ATP8A1: variants seen among roughly 807,000 people sequenced by gnomAD.
The protein encoded by ATP8A1 is phospholipid-transporting ATPase IA.
Under a neutral mutation model 177.7 loss-of-function variants are expected in ATP8A1, and 90 were observed. That is an observed-to-expected ratio of 0.51 (90% confidence interval 0.43 to 0.60). ATP8A1 has a LOEUF of 0.60. ATP8A1 is among the 20% of genes least tolerant of loss of function. The pLI, the probability that ATP8A1 is intolerant of heterozygous loss-of-function variation, is 0.00. For missense variants in ATP8A1, 1,072 were observed against 1,392.8 expected (o/e 0.77, Z 3.67); for synonymous variants, 493 against 485.9 (o/e 1.01, Z -0.19).
chr4:42,585,844 A>G (rs1733562459), intron 9 of ATP8A1, among the ~76,000 whole-genome samples: 1 of 152,106 alleles, frequency 6.6e-6, no homozygotes, highest in Non-Finnish European at 1.5e-5. Context: ...AAGAGATGAG[A>G]TGACTATAAT....
intron 33 of ATP8A1, among the ~76,000 whole-genome samples, chr4:42,440,918 C>T (rs200097813): frequency 2.3e-4 from 1 of 4,282 alleles, no homozygotes; most frequent in East Asian, 0.1. Flanking sequence ...CACTTACGTA[C>T]ATAATTAATT....
chr4:42,622,935 G>T (rs1373646313), intron 4 of ATP8A1, among the ~76,000 whole-genome samples: 1 of 151,234 alleles, frequency 6.6e-6, no homozygotes, highest in Non-Finnish European at 1.5e-5. Context: ...CTTGAACCTG[G>T]GAGGTGGAGG....
chr4:42,607,218 C>A (rs569261314), intron 5 of ATP8A1, among the ~76,000 whole-genome samples: 1 of 152,244 alleles, frequency 6.6e-6, no homozygotes, highest in Non-Finnish European at 1.5e-5. Context: ...TCTTGAAATA[C>A]AAAACCAGAA....
At chr4:42,609,835 A>T (rs961896592) in intron 5 of ATP8A1, among the ~76,000 whole-genome samples, 4 of 152,122 alleles carry the variant, frequency 2.6e-5, no homozygotes, top group African/African-American at 9.7e-5. Flanking sequence ...CACAAGTGGA[A>T]GCCTATCCAT....
intron 29 of ATP8A1, among the ~76,000 whole-genome samples, chr4:42,452,476 C>A (rs1718032933): frequency 1.3e-5 from 2 of 152,092 alleles, no homozygotes; most frequent in Non-Finnish European, 2.9e-5. Flanking sequence ...CTTTCCAATG[C>A]TAAAGATGTA....
Position 42,626,754 on chromosome 4 carries a change from C to T in ATP8A1, c.164+241G>A, listed in dbSNP as rs184539041. On this transcript the variant is annotated intron_variant, in intron 2 of 36. Transcript: ENST00000381668. ...TTACACATAAGCAGCTTTCATTATTCAATATCTATGCAGCATCGGCAGAGG... is the reference window on the plus strand; with the variant it reads ...TTACACATAAGCAGCTTTCATTATTTAATATCTATGCAGCATCGGCAGAGG... 334 of 514,846 alleles carry T rather than the reference C, an allele frequency of 6.5e-4. 3 individuals are homozygous for T. In the Admixed American group the frequency reaches 0.01, roughly 16 times the overall value. 31.9% of individuals were successfully genotyped at this position (514,846 alleles called of 1,614,324 possible).
At chr4:42,449,563 A>G (rs1186342035) in intron 30 of ATP8A1, among the ~76,000 whole-genome samples, 1 of 152,246 alleles carries the variant, frequency 6.6e-6, no homozygotes, top group Non-Finnish European at 1.5e-5. Context: ...TTCAGAAATC[A>G]AAAAACAAAA....
chr4:42,581,291 G>A (rs1239028197), intron 10 of ATP8A1, among the ~76,000 whole-genome samples: 4 of 151,988 alleles, frequency 2.6e-5, no homozygotes, highest in African/African-American at 7.3e-5. Context: ...CCACTACCAC[G>A]CCCGGCTAAT....
chr4:42,651,794 G>A (rs180749806), intron 1 of ATP8A1, among the ~76,000 whole-genome samples: 1 of 152,324 alleles, frequency 6.6e-6, no homozygotes, highest in East Asian at 1.9e-4. Context: ...AAAGGCACAA[G>A]GAGCCAACAT....
intron 23 of ATP8A1, among the ~76,000 whole-genome samples, chr4:42,504,570 A>G (rs1724179938): frequency 6.6e-6 from 1 of 152,268 alleles, no homozygotes; most frequent in Non-Finnish European, 1.5e-5. Context: ...AAACACATCA[A>G]GAAGCCAACC....
At chr4:42,471,055 T>A (rs1330802402) in intron 25 of ATP8A1, among the ~76,000 whole-genome samples, 2 of 151,964 alleles carry the variant, frequency 1.3e-5, no homozygotes, top group Non-Finnish European at 2.9e-5. Context: ...TGAGAAAAAA[T>A]TAAGATACAG....
In ATP8A1 at chr4:42,443,680, G is replaced by C. The variant is rs1716886533; in HGVS notation, c.3016-8C>G. 4 of 1,342,252 alleles carry C rather than the reference G, an allele frequency of 3.0e-6. No individual in the cohort carries two copies. Among genetic ancestry groups the C allele is most frequent in the Non-Finnish European group, 4.3e-6 (4 of 933,652 alleles). The allele number at this position is 1,342,252 out of a possible 1,614,324, so 83.1% of individuals were successfully genotyped here. On this transcript the variant is annotated splice_polypyrimidine_tract_variant and splice_region_variant and intron_variant, in intron 32 of 36. Transcript: ENST00000381668. ...TATCGCTATGTGGCTGAACTGTAGA[G>C]CAAGGAAATCTGAGTCAAAAAAGTT...
At chr4:42,424,012 T>C (rs1198017962) in intron 33 of ATP8A1, among the ~76,000 whole-genome samples, 1 of 152,150 alleles carries the variant, frequency 6.6e-6, no homozygotes, top group Non-Finnish European at 1.5e-5. Flanking sequence ...TTAAAAATTA[T>C]CCAGATAAAT....
At chr4:42,482,690 T>C (rs1721813551) in intron 25 of ATP8A1, among the ~76,000 whole-genome samples, 2 of 152,184 alleles carry the variant, frequency 1.3e-5, no homozygotes, top group African/African-American at 2.4e-5. Flanking sequence ...TGTATGCTGA[T>C]AGTATCTGGG....
chr4:42,648,749 G>A (rs12503436), intron 1 of ATP8A1, among the ~76,000 whole-genome samples: 1 of 151,808 alleles, frequency 6.6e-6, no homozygotes, highest in East Asian at 1.9e-4. Context: ...AGGTATTATC[G>A]TTAACATATA....
At chr4:42,588,153 A>G (rs753860294) in intron 8 of ATP8A1, 107 bp downstream of exon 8, 37 of 849,384 alleles carry the variant, frequency 4.4e-5, no homozygotes, top group Non-Finnish European at 6.5e-5. Flanking sequence ...ATGGGAACAT[A>G]TTTGCAATAG....
Position 42,541,863 on chromosome 4 carries a change from G to A in ATP8A1, c.1722+2054C>T, listed in dbSNP as rs535801611. Reference sequence around the variant, plus strand: ...AGTAAAAGCAACAGTGGTTGCCAGGGCCTTGAGGGAAGAGATAAATGACTA... The same window carrying A: ...AGTAAAAGCAACAGTGGTTGCCAGGACCTTGAGGGAAGAGATAAATGACTA... On this transcript the variant is annotated intron_variant, in intron 20 of 36. Coordinates refer to ENST00000381668, the MANE Select transcript of ATP8A1 (RefSeq NM_006095.2). 3.9e-5 allele frequency among the ~76,000 whole-genome samples: 6 copies of A among 152,278 alleles called. No individual in the cohort carries two copies. In the East Asian group the frequency reaches 1.2e-3, roughly 29 times the overall value.
At chr4:42,454,325 T>C (rs1020153758) in intron 29 of ATP8A1, among the ~76,000 whole-genome samples, 1 of 152,212 alleles carries the variant, frequency 6.6e-6, no homozygotes, top group Admixed American at 6.5e-5. Context: ...GAAAATGCCA[T>C]TGAAAAGCTT....
chr4:42,469,308 A>C (rs1720139330), intron 25 of ATP8A1, among the ~76,000 whole-genome samples: 1 of 152,146 alleles, frequency 6.6e-6, no homozygotes, highest in Non-Finnish European at 1.5e-5. Context: ...CCCCACTTAC[A>C]ATGCACCAAG....
Sources: allele counts gnomAD v4.1 joint callset (sites outside exome capture counted in the v4.1 genomes callset), GRCh38; gene constraint gnomAD v4.1.1; transcripts MANE v1.5; gene names NCBI Gene and HGNC (gene_info 2026-07-23, HGNC 2026-07-21).